The following MGRN1 variants were observed in gnomAD, a reference collection of about 807,000 sequenced individuals.
The protein encoded by MGRN1 is E3 ubiquitin-protein ligase MGRN1.
In MGRN1, 29 loss-of-function variants were observed where a neutral mutation model predicts 69.2. The ratio of observed to expected loss-of-function variants is 0.42; its 90% confidence interval spans 0.31 to 0.57. The LOEUF (loss-of-function observed/expected upper bound fraction) is 0.57. MGRN1 is among the 20% of genes least tolerant of loss of function. The pLI, the probability that MGRN1 is intolerant of heterozygous loss-of-function variation, is 0.15. For missense variants in MGRN1, 998 were observed against 796.2 expected (o/e 1.25, Z -3.05); for synonymous variants, 470 against 344.2 (o/e 1.37, Z -4.04).
chr16:4,685,395 C>G (rs1270337166), intron 16 of MGRN1, among the ~76,000 whole-genome samples: 1 of 152,252 alleles, frequency 6.6e-6, no homozygotes, highest in Non-Finnish European at 1.5e-5. Flanking sequence ...CTCCGAGTCT[C>G]ATGCCCCACC....
chr16:4,678,056 A>T (rs1298386759), intron 11 of MGRN1, among the ~76,000 whole-genome samples: 3 of 152,166 alleles, frequency 2.0e-5, no homozygotes, highest in Non-Finnish European at 4.4e-5. Flanking sequence ...CATGTTGCCC[A>T]GGCTGGTCTC....
At chr16:4,684,940 A>T (rs2079274561) in intron 16 of MGRN1, among the ~76,000 whole-genome samples, 1 of 152,144 alleles carries the variant, frequency 6.6e-6, no homozygotes, top group Non-Finnish European at 1.5e-5. Context: ...TGGGCCTGAC[A>T]TTGGGTGGTT....
At chr16:4,668,739 C>G (rs1404998785) in intron 8 of MGRN1, among the ~76,000 whole-genome samples, 1 of 148,228 alleles carries the variant, frequency 6.7e-6, no homozygotes, top group African/African-American at 2.5e-5. Context: ...TAGACACATA[C>G]TGATACACAC....
intron 9 of MGRN1, among the ~76,000 whole-genome samples, chr16:4,673,205 G>C (rs2078979902): frequency 6.6e-6 from 1 of 152,140 alleles, no homozygotes; most frequent in African/African-American, 2.4e-5. Flanking sequence ...TGTTTCTTAG[G>C]TGCATCTGTT....
chr16:4,641,542 C>T (rs540564142), intron 1 of MGRN1, among the ~76,000 whole-genome samples: 3 of 139,144 alleles, frequency 2.2e-5, no homozygotes, highest in East Asian at 2.1e-4. Context: ...TTTAAGACAG[C>T]GTTTTGCTCT....
chr16:4,679,899 A>G (rs2079139799), intron 11 of MGRN1, 133 bp from the exon 12 acceptor site: 1 of 852,952 alleles, frequency 1.2e-6, no homozygotes, highest in African/African-American at 1.7e-5. Flanking sequence ...CAGTCCCGAG[A>G]TTCACGTCCC....
intron 12 of MGRN1, chr16:4,681,235 C>G: frequency 2.5e-6 from 1 of 398,852 alleles, no homozygotes. Context: ...ACCCTTCACT[C>G]TCCACCTGGG....
chr16:4,649,488 G>A (rs1320897063), intron 1 of MGRN1: 1 of 152,118 alleles, frequency 6.6e-6, no homozygotes, highest in Admixed American at 6.6e-5. Flanking sequence ...GTCATCCCTG[G>A]GCTTGTGGCC....
intron 1 of MGRN1, among the ~76,000 whole-genome samples, chr16:4,647,216 C>T (rs569299684): frequency 2.3e-4 from 35 of 152,340 alleles, no homozygotes; most frequent in African/African-American, 5.3e-4. Context: ...GAGGAGCAGG[C>T]AGGTGGCTCT....
Position 4,668,269 on chromosome 16 carries a change from T to C in MGRN1, c.683T>C (p.Met228Thr), listed in dbSNP as rs2078850592. ...CTTTGTCTTTCTCCCCTGCAGCACA[T>C]GGACGGCAGCTTCTCTGTGAAGCCT... ...HVLLAAFEKH[M>T]DGSFSVKPLK... The change falls in exon 8 of 17, where the codon ATG becomes ACG. Residue 228 changes from methionine (M) to threonine (T), a missense_variant. Physicochemically the swap from Met to Thr is moderately conservative, Grantham distance 81 (BLOSUM62 -1). Coordinates refer to ENST00000262370, the MANE Select transcript of MGRN1 (RefSeq NM_015246.4). 4.3e-6 allele frequency: 7 copies of C among 1,613,932 alleles called. No individual in the cohort carries two copies. The highest frequency in any genetic ancestry group is 5.9e-6 in the Non-Finnish European group (7 of 1,179,974).
In MGRN1 at chr16:4,677,512, C is replaced by G; in HGVS notation, c.1005C>G (p.Ala335=). The G allele has an allele frequency of 6.3e-7, 1 of 1,596,112 alleles. No individual in the cohort carries two copies. Among genetic ancestry groups the G allele is most frequent in the South Asian group, 1.1e-5 (1 of 90,798 alleles). The change falls in exon 11 of 17, where the codon GCC becomes GCG. Residue 335 remains alanine (A), a synonymous_variant. Coordinates refer to ENST00000262370, the MANE Select transcript of MGRN1 (RefSeq NM_015246.4). The part of the protein sequence containing the change: ...QIRAVRKKPG[A]LSPVSFSPVL... ...GGGCGGTGCGGAAGAAGCCAGGAGC[C>G]CTGTCCCCCGTGTCCTTCAGCCCCG...
rs1292383346 is a variant in MGRN1, at chr16:4,674,581, TTTTTTTTTTCTTTTCTTTTC to T, written c.955+949_955+968del. 1.5e-3 allele frequency among the ~76,000 whole-genome samples: 210 copies of T among 141,490 alleles called. 1 individual carries two copies. Among genetic ancestry groups the T allele is most frequent in the South Asian group, 6.7e-3 (30 of 4,456 alleles). 92.8% of individuals were successfully genotyped at this position (141,490 alleles called of 152,430 possible). ...GAATTACAAGCGTGAGCCACCGCTTTTTTTTTTTTCTTTTCTTTTCTTTTTTTTTCTTTTCTTTTCTTTTC... is the reference window on the plus strand; with the variant it reads ...GAATTACAAGCGTGAGCCACCGCTTTTTTTTTTTTCTTTTCTTTTCTTTTC... On this transcript the variant is annotated intron_variant, in intron 10 of 16. Coordinates refer to ENST00000262370, the MANE Select transcript of MGRN1 (RefSeq NM_015246.4).
At chr16:4,638,452 G>A (rs533269597) in intron 1 of MGRN1, among the ~76,000 whole-genome samples, 1 of 151,290 alleles carries the variant, frequency 6.6e-6, no homozygotes, top group Admixed American at 6.6e-5. Context: ...GTGACAGAGC[G>A]AGAGTCCGTC....
chr16:4,668,209 G>T (rs900268235), intron 7 of MGRN1, 56 bp from the exon 8 acceptor site: 10 of 1,570,926 alleles, frequency 6.4e-6, no homozygotes, highest in Admixed American at 1.7e-5. Flanking sequence ...GCCACGCAGG[G>T]GTGCTCAGAG....
intron 16 of MGRN1, among the ~76,000 whole-genome samples, chr16:4,685,527 C>T (rs865775): frequency 0.52 from 78,537 of 152,150 alleles, 21,104 homozygotes; most frequent in East Asian, 0.66. Flanking sequence ...ACTCCTGGGC[C>T]CTGGGCCCCG....
At chr16:4,663,034 C>T (rs1181074532) in intron 5 of MGRN1, among the ~76,000 whole-genome samples, 1 of 152,142 alleles carries the variant, frequency 6.6e-6, no homozygotes, top group African/African-American at 2.4e-5. Flanking sequence ...GCTGGGCCTG[C>T]CAGGCCTTTC....
Position 4,690,207 on chromosome 16 carries a change from T to G in MGRN1, c.*1299T>G, listed in dbSNP as rs3747592. 0.52 allele frequency: 78,295 copies of G among 151,932 alleles called. 20,568 individuals carry two copies. The highest frequency in any genetic ancestry group is 0.66 in the East Asian group (3,401 of 5,152). 9.4% of individuals were successfully genotyped at this position (151,932 alleles called of 1,614,324 possible). On this transcript the variant is annotated 3_prime_UTR_variant, in exon 17 of 17. Coordinates refer to ENST00000262370, the MANE Select transcript of MGRN1 (RefSeq NM_015246.4). ...CCTCTGGGCGACCTCGTCCTGTTTT[T>G]TTTGTTTGTTTGTTTGTTTTTTTAA...
intron 1 of MGRN1, among the ~76,000 whole-genome samples, chr16:4,629,770 G>A (rs1257816048): frequency 6.6e-6 from 1 of 151,556 alleles, no homozygotes; most frequent in Non-Finnish European, 1.5e-5. Flanking sequence ...AGGCGGCTGG[G>A]TGTGGTGGTT....
rs2078775425 is a variant in MGRN1, at chr16:4,665,246, G to A, written c.678+95G>A. 3 of 1,384,922 alleles carry A rather than the reference G, an allele frequency of 2.2e-6. No individual in the cohort carries two copies. The Admixed American group carries it at 5.7e-5, about 27-fold the overall frequency. 85.8% of individuals were successfully genotyped at this position (1,384,922 alleles called of 1,614,324 possible). A position where few individuals can be genotyped will look rare whatever the true frequency, so the allele number is the denominator to read the frequency against. On this transcript the variant is annotated intron_variant, in intron 7 of 16. Transcript: ENST00000262370. ...GAAGCCTGAGCAGGGGCTGGGGCTT[G>A]GTGGGGTGGCTGAGTGTCAAGGGCC...
Sources: allele counts gnomAD v4.1 joint callset (sites outside exome capture counted in the v4.1 genomes callset), GRCh38; gene constraint gnomAD v4.1.1; transcripts MANE v1.5; gene names NCBI Gene and HGNC (gene_info 2026-07-23, HGNC 2026-07-21).